Variants in PDE4B observed in about 807,000 individuals in gnomAD.
PDE4B encodes the protein 3',5'-cyclic-AMP phosphodiesterase 4B.
Under a neutral mutation model 82.2 loss-of-function variants are expected in PDE4B, and 20 were observed. That is an observed-to-expected ratio of 0.24 (90% CI 0.17 to 0.35). The LOEUF is 0.35. Among genes scored for constraint, PDE4B ranks in the 10% least tolerant of loss-of-function variants. The pLI is 1.00. For missense variants in PDE4B, 655 were observed against 907.2 expected, an observed-to-expected ratio of 0.72 and a Z score of 3.57; for synonymous variants, 320 against 318.9, an observed-to-expected ratio of 1.00 and a Z score of -0.04.
At chr1:66,189,604 C>G (rs1379299418) in intron 3 of PDE4B, among the ~76,000 whole-genome samples, 1 of 152,172 alleles carries the variant, frequency 6.6e-6, no homozygotes, top group East Asian at 1.9e-4. Context: ...CATTGATACC[C>G]TCTCTTCCAG....
intron 1 of PDE4B, among the ~76,000 whole-genome samples, chr1:65,870,636 C>T (rs138708745): frequency 4.9e-4 from 75 of 152,154 alleles, no homozygotes; most frequent in African/African-American, 1.7e-3. Context: ...ATACAGTATT[C>T]GTCTTTCAAA....
intron 3 of PDE4B, among the ~76,000 whole-genome samples, chr1:65,943,147 C>A (rs1208481878): frequency 6.6e-6 from 1 of 151,848 alleles, no homozygotes; most frequent in African/African-American, 2.4e-5. Flanking sequence ...ATTTTCAGAT[C>A]TTACATTTAA....
intron 3 of PDE4B, among the ~76,000 whole-genome samples, chr1:66,108,700 G>T (rs1416756230): frequency 6.6e-6 from 1 of 151,734 alleles, no homozygotes; most frequent in Non-Finnish European, 1.5e-5. Flanking sequence ...CTAATCATCA[G>T]GGAAAGGCAC....
chr1:66,227,425 T>C (rs181991778), intron 3 of PDE4B, among the ~76,000 whole-genome samples: 21 of 152,360 alleles, frequency 1.4e-4, no homozygotes, highest in Admixed American at 1.4e-3. Flanking sequence ...ATTATGTACC[T>C]CATAAATTGA....
At chr1:65,846,689 A>C (rs1481783996) in intron 1 of PDE4B, among the ~76,000 whole-genome samples, 1 of 152,224 alleles carries the variant, frequency 6.6e-6, no homozygotes, top group African/African-American at 2.4e-5. Context: ...GAGTAGTAGC[A>C]AGTGATTCTG....
chr1:66,244,053 C>G (rs1036670979), intron 3 of PDE4B, among the ~76,000 whole-genome samples: 1 of 152,280 alleles, frequency 6.6e-6, no homozygotes, highest in Non-Finnish European at 1.5e-5. Flanking sequence ...GAAGTAGCTA[C>G]AAGCTCAAAG....
intron 3 of PDE4B, among the ~76,000 whole-genome samples, chr1:66,104,359 T>A (rs1398978024): frequency 1.3e-5 from 2 of 148,942 alleles, no homozygotes; most frequent in Admixed American, 1.4e-4. Flanking sequence ...TTGGGTTGGT[T>A]CCAAGTCTTT....
chr1:65,843,968 T>C (rs1381305487), intron 1 of PDE4B, among the ~76,000 whole-genome samples: 1 of 152,102 alleles, frequency 6.6e-6, no homozygotes, highest in African/African-American at 2.4e-5. Context: ...CTTATATGAG[T>C]GGATGGCTTA....
intron 3 of PDE4B, among the ~76,000 whole-genome samples, chr1:66,120,515 A>G (rs1372171302): frequency 1.3e-5 from 2 of 152,150 alleles, no homozygotes; most frequent in African/African-American, 2.4e-5. Context: ...AGAGATCACA[A>G]CTTGGACTCA....
At chr1:66,000,155 G>T (rs1045765220) in intron 3 of PDE4B, among the ~76,000 whole-genome samples, 5 of 152,128 alleles carry the variant, frequency 3.3e-5, no homozygotes, top group Non-Finnish European at 5.9e-5. Flanking sequence ...TATTTATTTG[G>T]TTTTTCTTCA....
intron 3 of PDE4B, among the ~76,000 whole-genome samples, chr1:66,095,962 T>G (rs2101005413): frequency 6.6e-6 from 1 of 152,002 alleles, no homozygotes; most frequent in Non-Finnish European, 1.5e-5. Flanking sequence ...ATAATGTGTA[T>G]TGATGAGATC....
chr1:65,992,955 G>A (rs1651327812), intron 3 of PDE4B: 1 of 1,613,786 alleles, frequency 6.2e-7, no homozygotes, highest in Non-Finnish European at 8.5e-7. Context: ...TGAACCTGAG[G>A]TTTGCATAAA....
intron 1 of PDE4B, among the ~76,000 whole-genome samples, chr1:65,849,380 A>G (rs1484314952): frequency 6.6e-6 from 1 of 152,100 alleles, no homozygotes; most frequent in East Asian, 1.9e-4. Flanking sequence ...GGCACTCCAT[A>G]AGGATGCATC....
intron 7 of PDE4B, among the ~76,000 whole-genome samples, chr1:66,308,385 C>T (rs1658433576): frequency 6.6e-6 from 1 of 152,078 alleles, no homozygotes; most frequent in Non-Finnish European, 1.5e-5. Flanking sequence ...GTGCACAAAT[C>T]ACAAATGTAG....
Position 66,365,779 on chromosome 1 carries a change from C to T in PDE4B, c.1384+13C>T, listed in dbSNP as rs1663198596. Reference sequence around the variant, plus strand: ...CTCATCAACACAAGTGAGTTCACCACTACAGCAGTCATTCCAGATAATTGT... The same window carrying T: ...CTCATCAACACAAGTGAGTTCACCATTACAGCAGTCATTCCAGATAATTGT... On this transcript the variant is annotated intron_variant, in intron 13 of 16. Transcript: ENST00000341517. 1 of 1,424,174 alleles carries T rather than the reference C, an allele frequency of 7.0e-7. No individual in the cohort carries two copies. The highest frequency in any genetic ancestry group is 2.3e-5 in the East Asian group (1 of 43,184). 88.2% of individuals were successfully genotyped at this position (1,424,174 alleles called of 1,614,324 possible). A position where few individuals can be genotyped will look rare whatever the true frequency, so the allele number is the denominator to read the frequency against.
At chr1:66,153,692 C>A (rs777472865) in intron 3 of PDE4B, among the ~76,000 whole-genome samples, 5 of 152,114 alleles carry the variant, frequency 3.3e-5, no homozygotes, top group Non-Finnish European at 7.4e-5. Flanking sequence ...CGTAGGTGTC[C>A]ACAAGAACTC....
chr1:66,074,505 C>G (rs1656316388), intron 3 of PDE4B, among the ~76,000 whole-genome samples: 1 of 152,016 alleles, frequency 6.6e-6, no homozygotes, highest in Admixed American at 6.6e-5. Context: ...CCATTTTAAC[C>G]ACTTTGAAAT....
chr1:65,824,051 C>A (rs533899248), intron 1 of PDE4B, among the ~76,000 whole-genome samples: 2 of 152,144 alleles, frequency 1.3e-5, no homozygotes, highest in Non-Finnish European at 2.9e-5. Context: ...TTCATTCTCA[C>A]CCCCCATCTC....
chr1:65,810,092 G>T (rs934863548), intron 1 of PDE4B, among the ~76,000 whole-genome samples: 1 of 152,238 alleles, frequency 6.6e-6, no homozygotes, highest in Non-Finnish European at 1.5e-5. Context: ...AAGCTGGTGG[G>T]CAGTGAAAAG....
Sources: allele counts gnomAD v4.1 joint callset (sites outside exome capture counted in the v4.1 genomes callset), GRCh38; gene constraint gnomAD v4.1.1; transcripts MANE v1.5; gene names NCBI Gene and HGNC (gene_info 2026-07-23, HGNC 2026-07-21).